MAP3K15: variants seen among roughly 807,000 people sequenced by gnomAD.
MAP3K15 encodes mitogen-activated protein kinase kinase kinase 15.
MAP3K15 carries 124 observed loss-of-function variants against 99.5 expected under a neutral mutation model. The ratio of observed to expected loss-of-function variants is 1.25; its 90% CI spans 1.08 to 1.45. The LOEUF (loss-of-function observed/expected upper bound fraction) is 1.45, where lower values mean the gene tolerates loss of function less well. Ranked by LOEUF, MAP3K15 falls within the 40% of genes most tolerant of loss-of-function variation. The probability of loss-of-function intolerance (pLI) is 0.00; values close to 1 mark genes in which losing one functional copy is unlikely to be tolerated. For synonymous variants in MAP3K15, 494 were observed against 439.6 expected (o/e 1.12, Z -1.55); for missense variants, 1,242 against 1,079.7 (o/e 1.15, Z -2.11).
chrX:19,470,145 C>A lies in MAP3K15; in HGVS notation c.526-5739G>T, dbSNP rs1479974565. 2.7e-5 allele frequency among the ~76,000 whole-genome samples: 3 copies of A among 111,778 alleles called. No individual in the cohort carries two copies. The Admixed American group carries it at 2.9e-4, about 11-fold the overall frequency. Reference sequence around the variant, plus strand: ...TATTCACAATAGCAAAGACTTGGAACCAAGCCAAATGTCCAACAACGATAG... The same window carrying A: ...TATTCACAATAGCAAAGACTTGGAAACAAGCCAAATGTCCAACAACGATAG... On this transcript the variant is annotated intron_variant, in intron 3 of 28. Coordinates refer to ENST00000338883, the MANE Select transcript of MAP3K15 (RefSeq NM_001001671.4).
intron 9 of MAP3K15, among the ~76,000 whole-genome samples, chrX:19,421,202 G>A (rs1176079987): frequency 9.0e-6 from 1 of 110,911 alleles, no homozygotes. Context: ...GCAGGAGAAG[G>A]AAATAAAGGG....
intron 24 of MAP3K15, among the ~76,000 whole-genome samples, chrX:19,370,392 T>G (rs1010092295): frequency 9.1e-6 from 1 of 109,767 alleles, no homozygotes; most frequent in Admixed American, 9.8e-5. Flanking sequence ...TAATATTATT[T>G]ATGTATTTGT....
chrX:19,436,804 A>G (rs1055376357), intron 6 of MAP3K15, among the ~76,000 whole-genome samples: 6 of 111,423 alleles, frequency 5.4e-5, no homozygotes, highest in Non-Finnish European at 9.4e-5. Context: ...CAGCCTCCCA[A>G]GTAGCTGGGA....
chrX:19,514,961 C>T lies in MAP3K15; in HGVS notation c.301G>A (p.Val101Met), dbSNP rs1486540523. The change falls in exon 1 of 29, where the codon GTG becomes ATG. Residue 101 changes from valine to methionine, a missense_variant. Physicochemically the swap from Val to Met is conservative, Grantham distance 21. Transcript: ENST00000338883. ...CCGAAGTCCAGCTCCCCGAAGGGCA[C>T]GGAGGTGAGGTGAGCGCCCTCGGCC... ...CEAEGAHLTS[V>M]PFGELDFGET... 3 of 1,144,728 alleles carry T rather than the reference C, an allele frequency of 2.6e-6. No homozygotes were observed. The highest frequency in any genetic ancestry group is 4.9e-5 in the Admixed American group (2 of 41,155). 94.3% of individuals were successfully genotyped at this position (1,144,728 alleles called of 1,213,427 possible). A position where few individuals can be genotyped will look rare whatever the true frequency, so the allele number is the denominator to read the frequency against.
chrX:19,424,193 T>TACAC lies in MAP3K15; in HGVS notation c.1439+1334_1439+1337dup, dbSNP rs201957217. 6.6e-5 allele frequency among the ~76,000 whole-genome samples: 7 copies of TACAC among 106,638 alleles called. No homozygotes were observed. In the East Asian group the frequency reaches 8.6e-4, roughly 13 times the overall value. 92.6% of individuals were successfully genotyped at this position (106,638 alleles called of 115,157 possible). ...GTCCTTCCAGCAAATCATGTATATA[T>TACAC]ACACACACACACACACATATATACA... On this transcript the variant is annotated intron_variant, in intron 9 of 28. Transcript: ENST00000338883.
At chrX:19,462,465 A>T (rs750209546) in intron 4 of MAP3K15, among the ~76,000 whole-genome samples, 1 of 112,383 alleles carries the variant, frequency 8.9e-6, no homozygotes, top group Non-Finnish European at 1.9e-5. Context: ...TGGACTATAA[A>T]GGCACTGAAG....
intron 1 of MAP3K15, among the ~76,000 whole-genome samples, chrX:19,494,513 A>T (rs1602350972): frequency 8.9e-6 from 1 of 112,050 alleles, no homozygotes; most frequent in African/African-American, 3.2e-5. Flanking sequence ...ACTTTTGAAC[A>T]CTATCTTGAA....
At chrX:19,464,110 G>A in intron 4 of MAP3K15, 103 bp downstream of exon 4, 1 of 694,766 alleles carries the variant, frequency 1.4e-6, no homozygotes, top group Non-Finnish European at 2.1e-6. Flanking sequence ...ACAATAGTGG[G>A]TTCTCCAGCA....
chrX:19,493,481 A>G (rs1438772295), intron 1 of MAP3K15, among the ~76,000 whole-genome samples: 1 of 111,883 alleles, frequency 8.9e-6, no homozygotes, highest in African/African-American at 3.2e-5. Context: ...TTTATACCAA[A>G]ATAGTATGCA....
intron 9 of MAP3K15, among the ~76,000 whole-genome samples, chrX:19,417,197 G>A (rs2063743173): frequency 8.9e-6 from 1 of 112,376 alleles, no homozygotes; most frequent in Non-Finnish European, 1.9e-5. Context: ...GAAAGTGGGT[G>A]CAGGACAGGG....
Position 19,488,944 on chromosome X carries a change from C to G in MAP3K15, c.385G>C (p.Asp129His). 8.3e-7 allele frequency: 1 copy of G among 1,197,984 alleles called. No individual in the cohort carries two copies. The highest frequency in any genetic ancestry group is 1.1e-6 in the Non-Finnish European group (1 of 893,738). Reference protein sequence around the residue: ...DADVAVVDMSDVSRQPSLFYH... With the variant: ...DADVAVVDMSHVSRQPSLFYH... Reference sequence around the variant, plus strand: ...AAGAGGGAAGGCTGTCTGGAGACATCGCTCATGTCTACCACAGCAACATCT... The same window carrying G: ...AAGAGGGAAGGCTGTCTGGAGACATGGCTCATGTCTACCACAGCAACATCT... The change falls in exon 2 of 29, where the codon GAT becomes CAT. Residue 129 changes from aspartate (D) to histidine (H), a missense_variant. Physicochemically the swap from Asp to His is moderately conservative, Grantham distance 81 (BLOSUM62 -1). Coordinates refer to ENST00000338883, the MANE Select transcript of MAP3K15 (RefSeq NM_001001671.4).
chrX:19,485,430 T>C (rs1488368298), intron 3 of MAP3K15, among the ~76,000 whole-genome samples: 2 of 109,505 alleles, frequency 1.8e-5, no homozygotes, highest in African/African-American at 6.6e-5. Flanking sequence ...TGATCCCATT[T>C]CTTTTCCAAA....
intron 3 of MAP3K15, among the ~76,000 whole-genome samples, chrX:19,475,945 A>C (rs180902246): frequency 3.0e-3 from 342 of 112,269 alleles, no homozygotes; most frequent in African/African-American, 0.01. Context: ...CAAGAAGGCC[A>C]AGAAAGATAT....
intron 6 of MAP3K15, among the ~76,000 whole-genome samples, chrX:19,434,579 C>G (rs2063908622): frequency 9.0e-6 from 1 of 111,103 alleles, no homozygotes; most frequent in African/African-American, 3.3e-5. Context: ...GGACATGCAC[C>G]TCAAAAACTA....
intron 15 of MAP3K15, among the ~76,000 whole-genome samples, chrX:19,397,792 C>A (rs1464019202): frequency 9.0e-6 from 1 of 111,329 alleles, no homozygotes; most frequent in Non-Finnish European, 1.9e-5. Context: ...AAGCACATCA[C>A]CCTGGCCGGG....
At chrX:19,419,624 G>T (rs746698276) in intron 9 of MAP3K15, among the ~76,000 whole-genome samples, 1 of 111,321 alleles carries the variant, frequency 9.0e-6, no homozygotes, top group South Asian at 3.8e-4. Flanking sequence ...ACATTAGACA[G>T]ATCCACGAGA....
At chrX:19,503,728 T>C (rs1311453886) in intron 1 of MAP3K15, among the ~76,000 whole-genome samples, 1 of 110,000 alleles carries the variant, frequency 9.1e-6, no homozygotes, top group African/African-American at 3.3e-5. Context: ...CACCCGGCCA[T>C]AGGATATAAG....
At position 19,488,837 on chromosome X, in the gene MAP3K15, G is replaced by C. The variant is rs982518009; in HGVS notation, c.492C>G (p.Leu164=). 5.0e-6 allele frequency: 6 copies of C among 1,197,059 alleles called. No homozygotes were observed. In the African/African-American group the frequency reaches 5.2e-5, roughly 10 times the overall value. ...GGTGAATACACTGTACCTTCAAAGA[G>C]AGAGCAGTGTCGGCATCGGTGTCAT... ...LYHDTDADTA[L]SLKDMVTQKN... The change falls in exon 2 of 29, where the codon CTC becomes CTG. Residue 164 remains leucine (L), a synonymous_variant. Coordinates refer to ENST00000338883, the MANE Select transcript of MAP3K15 (RefSeq NM_001001671.4).
At chrX:19,469,983 G>T (rs1176365614) in intron 3 of MAP3K15, among the ~76,000 whole-genome samples, 1 of 110,899 alleles carries the variant, frequency 9.0e-6, no homozygotes, top group East Asian at 2.8e-4. Flanking sequence ...CATTGTGGAA[G>T]TCAGTGTGGC....
Sources: gnomAD v4.1 joint callset for allele counts (sites outside exome capture counted in the v4.1 genomes callset) on GRCh38, gnomAD v4.1.1 for gene constraint, MANE v1.5 for transcripts, NCBI Gene and HGNC (gene_info 2026-07-23, HGNC 2026-07-21) for gene names.